Variants in PCCA observed in about 807,000 individuals in gnomAD.
PCCA encodes propionyl-CoA carboxylase subunit alpha.
In PCCA, 74 loss-of-function variants were observed where a neutral mutation model predicts 101.3. The observed-to-expected ratio is 0.73, with a 90% CI of 0.61 to 0.89. The LOEUF (loss-of-function observed/expected upper bound fraction) is 0.89, where lower values mean the gene tolerates loss of function less well. PCCA is among the 40% of genes least tolerant of loss of function. The pLI, the probability that PCCA is intolerant of heterozygous loss-of-function variation, is 0.00. For missense variants in PCCA, 891 were observed against 907.0 expected (o/e 0.98, Z 0.23); for synonymous variants, 294 against 313.6 (o/e 0.94, Z 0.66).
chr13:100,524,733 G>A (rs1429578920), intron 22 of PCCA, among the ~76,000 whole-genome samples: 1 of 152,002 alleles, frequency 6.6e-6, no homozygotes, highest in Non-Finnish European at 1.5e-5. Context: ...TTAGCTGGGC[G>A]TGGTGGTGCA....
At chr13:100,168,375 G>A (rs1243046375) in intron 6 of PCCA, among the ~76,000 whole-genome samples, 1 of 152,116 alleles carries the variant, frequency 6.6e-6, no homozygotes, top group African/African-American at 2.4e-5. Context: ...ATACCTATGG[G>A]TACCAGAGAG....
intron 21 of PCCA, among the ~76,000 whole-genome samples, chr13:100,485,107 C>G (rs181104076): frequency 6.6e-6 from 1 of 152,224 alleles, no homozygotes; most frequent in African/African-American, 2.4e-5. Flanking sequence ...TAATATTTAG[C>G]AGTCTAAACA....
chr13:100,492,201 C>T (rs2084955026), intron 21 of PCCA, among the ~76,000 whole-genome samples: 1 of 151,904 alleles, frequency 6.6e-6, no homozygotes, highest in Admixed American at 6.6e-5. Context: ...GTGGCATGAT[C>T]TCGGCTCACT....
intron 10 of PCCA, among the ~76,000 whole-genome samples, chr13:100,265,804 G>A (rs1292348315): frequency 6.6e-6 from 1 of 151,330 alleles, no homozygotes; most frequent in Non-Finnish European, 1.5e-5. Flanking sequence ...TGTGAAGGTA[G>A]ACCAGATTTT....
At chr13:100,193,930 G>T (rs2057913884) in intron 6 of PCCA, among the ~76,000 whole-genome samples, 1 of 151,998 alleles carries the variant, frequency 6.6e-6, no homozygotes, top group African/African-American at 2.4e-5. Flanking sequence ...AATTATCCTG[G>T]CGTGGTAGCG....
At chr13:100,361,157 T>C (rs1414406523) in intron 18 of PCCA, among the ~76,000 whole-genome samples, 2 of 152,006 alleles carry the variant, frequency 1.3e-5, no homozygotes, top group African/African-American at 2.4e-5. Context: ...GGGAAATAAA[T>C]AGGTGGAACA....
At chr13:100,397,223 G>A (rs1304154590) in intron 19 of PCCA, among the ~76,000 whole-genome samples, 1 of 152,250 alleles carries the variant, frequency 6.6e-6, no homozygotes, top group South Asian at 2.1e-4. Flanking sequence ...ATCTGCATTG[G>A]CTGGGTCGAG....
At chr13:100,269,673 C>T (rs1006243507) in intron 11 of PCCA, among the ~76,000 whole-genome samples, 21 of 152,182 alleles carry the variant, frequency 1.4e-4, no homozygotes, top group African/African-American at 3.1e-4. Context: ...AATTACCAGA[C>T]GGTAAGAAGT....
chr13:100,517,376 A>G (rs1489080676), intron 22 of PCCA, among the ~76,000 whole-genome samples: 1 of 152,136 alleles, frequency 6.6e-6, no homozygotes, highest in Non-Finnish European at 1.5e-5. Context: ...TGTACGTTCC[A>G]TTTCCTGGTT....
intron 22 of PCCA, among the ~76,000 whole-genome samples, chr13:100,516,961 T>G (rs1360490100): frequency 6.6e-6 from 1 of 151,460 alleles, no homozygotes; most frequent in Non-Finnish European, 1.5e-5. Context: ...TTTTCTTAAG[T>G]TTTTTTTCTG....
rs533570268 is a variant in PCCA at position 100,395,441 on chromosome 13, G to A, written c.1746+26867G>A. On this transcript the variant is annotated intron_variant, in intron 19 of 23. Coordinates refer to ENST00000376285, the MANE Select transcript of PCCA (RefSeq NM_000282.4). ...AAATAATCAACAAAGGCTTTAAAAA[G>A]TTTAAAAAATGTATTTGGAGCAATA... 2.9e-4 allele frequency among the ~76,000 whole-genome samples: 44 copies of A among 152,278 alleles called. No homozygotes were observed. In the South Asian group the frequency reaches 8.7e-3, roughly 30 times the overall value.
intron 21 of PCCA, among the ~76,000 whole-genome samples, chr13:100,478,520 C>T (rs997808225): frequency 1.3e-5 from 2 of 152,182 alleles, no homozygotes; most frequent in African/African-American, 2.4e-5. Context: ...TGTGTCCCCT[C>T]CCCCAGCACA....
At chr13:100,374,658 T>C (rs2075786719) in intron 19 of PCCA, among the ~76,000 whole-genome samples, 1 of 152,282 alleles carries the variant, frequency 6.6e-6, no homozygotes, top group Admixed American at 6.5e-5. Context: ...TCCTAATGTA[T>C]AAGAAAATTA....
intron 6 of PCCA, among the ~76,000 whole-genome samples, chr13:100,174,993 C>CACTT (rs2056105884): frequency 6.6e-6 from 1 of 152,094 alleles, no homozygotes; most frequent in South Asian, 2.1e-4. Flanking sequence ...TGTCTGTTCA[C>CACTT]ACTTCATTTT....
At chr13:100,246,651 G>GA (rs946338475) in intron 8 of PCCA, among the ~76,000 whole-genome samples, 288 of 149,168 alleles carry the variant, frequency 1.9e-3, no homozygotes, top group Middle Eastern at 3.4e-3. Flanking sequence ...CTAAATAACT[G>GA]AAAAAAAAAT....
chr13:100,513,367 A>G (rs1049265446), intron 21 of PCCA, among the ~76,000 whole-genome samples: 1 of 152,252 alleles, frequency 6.6e-6, no homozygotes, highest in Non-Finnish European at 1.5e-5. Context: ...TTTAAGAACA[A>G]TAAACAAATA....
intron 18 of PCCA, among the ~76,000 whole-genome samples, chr13:100,362,323 A>G (rs2074707033): frequency 6.6e-6 from 1 of 152,204 alleles, no homozygotes. Flanking sequence ...CTGAAACAAA[A>G]GAGAGGGATT....
chr13:100,226,879 A>G (rs2482464), intron 7 of PCCA, among the ~76,000 whole-genome samples: 21,693 of 152,194 alleles, frequency 0.14, 1,703 homozygotes, highest in Middle Eastern at 0.22. Flanking sequence ...TAATAACCCT[A>G]TGAGATAGAT....
At chr13:100,450,366 C>G (rs1172109695) in intron 21 of PCCA, among the ~76,000 whole-genome samples, 1 of 150,996 alleles carries the variant, frequency 6.6e-6, no homozygotes, top group Non-Finnish European at 1.5e-5. Flanking sequence ...TGCCCTCTAG[C>G]TTGTGTGACA....
Sources: gnomAD v4.1 joint callset for allele counts (sites outside exome capture counted in the v4.1 genomes callset) on GRCh38, gnomAD v4.1.1 for gene constraint, MANE v1.5 for transcripts, NCBI Gene and HGNC (gene_info 2026-07-23, HGNC 2026-07-21) for gene names.